TAFA2: variants seen among roughly 807,000 people sequenced by gnomAD.
The protein encoded by TAFA2 is chemokine-like protein TAFA-2.
A neutral mutation model predicts 18.8 loss-of-function variants in TAFA2; 7 were observed. The ratio of observed to expected loss-of-function variants is 0.37; its 90% CI spans 0.21 to 0.70. The LOEUF (loss-of-function observed/expected upper bound fraction) is 0.70, where lower values mean the gene tolerates loss of function less well. Ranked by LOEUF, TAFA2 falls within the 30% of genes least tolerant of loss-of-function variation. The pLI is 0.53. For missense variants in TAFA2, 122 were observed against 158.1 expected, an observed-to-expected ratio of 0.77 and a Z score of 1.23; for synonymous variants, 60 against 54.2, an observed-to-expected ratio of 1.11 and a Z score of -0.47.
At chr12:62,003,307 C>A (rs938019514) in intron 1 of TAFA2, among the ~76,000 whole-genome samples, 4 of 152,106 alleles carry the variant, frequency 2.6e-5, no homozygotes, top group Admixed American at 1.3e-4. Flanking sequence ...ATGAACCGCA[C>A]CCCCTTATGT....
intron 1 of TAFA2, among the ~76,000 whole-genome samples, chr12:62,152,337 C>T (rs1483240019): frequency 6.6e-6 from 1 of 152,120 alleles, no homozygotes; most frequent in Non-Finnish European, 1.5e-5. Context: ...TAAGAAAACC[C>T]CCAGGAAGAT....
At chr12:61,756,102 A>G (rs1254624247) in intron 2 of TAFA2, among the ~76,000 whole-genome samples, 2 of 152,082 alleles carry the variant, frequency 1.3e-5, no homozygotes, top group Non-Finnish European at 2.9e-5. Flanking sequence ...TTCCCATTGA[A>G]GATGAGTGAA....
chr12:61,750,367 T>A (rs1255444020), intron 4 of TAFA2, among the ~76,000 whole-genome samples: 1 of 152,060 alleles, frequency 6.6e-6, no homozygotes, highest in Non-Finnish European at 1.5e-5. Context: ...GAAACAACTG[T>A]TGCATCTTCC....
chr12:61,812,294 A>G (rs1356056437), intron 2 of TAFA2, among the ~76,000 whole-genome samples: 1 of 151,576 alleles, frequency 6.6e-6, no homozygotes, highest in Non-Finnish European at 1.5e-5. Context: ...AACTCTGGGA[A>G]TGGTGTCTCC....
intron 2 of TAFA2, among the ~76,000 whole-genome samples, chr12:61,786,857 A>C: frequency 6.6e-6 from 1 of 151,576 alleles, no homozygotes; most frequent in Admixed American, 6.6e-5. Context: ...ATCCACTATA[A>C]TAATAAAAAG....
At chr12:61,962,740 A>T (rs375461429) in intron 1 of TAFA2, among the ~76,000 whole-genome samples, 1 of 151,908 alleles carries the variant, frequency 6.6e-6, no homozygotes, top group East Asian at 1.9e-4. Flanking sequence ...TCCCGGTCTC[A>T]TCTGTATTAA....
At chr12:61,800,125 GTAA>G (rs772436738) in intron 2 of TAFA2, among the ~76,000 whole-genome samples, 11 of 152,084 alleles carry the variant, frequency 7.2e-5, no homozygotes, top group Admixed American at 2.6e-4. Flanking sequence ...AATATTTGAA[GTAA>G]TAAAATTAGT....
chr12:62,217,133 C>T (rs1018462404), intron 1 of TAFA2, among the ~76,000 whole-genome samples: 1 of 152,240 alleles, frequency 6.6e-6, no homozygotes, highest in Non-Finnish European at 1.5e-5. Flanking sequence ...TTGGCAAATA[C>T]TGCTTTTACC....
At chr12:62,257,520 T>A (rs1185316110) in intron 1 of TAFA2, among the ~76,000 whole-genome samples, 6 of 152,176 alleles carry the variant, frequency 3.9e-5, no homozygotes, top group Admixed American at 1.3e-4. Context: ...AGGTTTGGAA[T>A]TACTAGAGGG....
At chr12:62,178,224 C>G (rs910752445) in intron 1 of TAFA2, among the ~76,000 whole-genome samples, 1 of 152,016 alleles carries the variant, frequency 6.6e-6, no homozygotes, top group Non-Finnish European at 1.5e-5. Context: ...CACTTGAGCC[C>G]GAGAGATCGA....
At chr12:62,251,589 A>G (rs544362692) in intron 1 of TAFA2, among the ~76,000 whole-genome samples, 1 of 150,960 alleles carries the variant, frequency 6.6e-6, no homozygotes, top group Non-Finnish European at 1.5e-5. Context: ...AAGTGCTCTC[A>G]GGATCAACAC....
chr12:62,169,478 G>A (rs778866516), intron 1 of TAFA2, among the ~76,000 whole-genome samples: 10 of 152,124 alleles, frequency 6.6e-5, no homozygotes, highest in Non-Finnish European at 1.3e-4. Flanking sequence ...TAAAAATTTT[G>A]TAAGTGTTTA....
intron 1 of TAFA2, among the ~76,000 whole-genome samples, chr12:62,061,194 C>T (rs1222522890): frequency 4.6e-5 from 7 of 152,192 alleles, no homozygotes; most frequent in African/African-American, 1.7e-4. Flanking sequence ...CACTAACTGA[C>T]TCACCCAGAG....
chr12:61,874,785 C>T (rs1430108638), intron 1 of TAFA2, among the ~76,000 whole-genome samples: 7 of 152,098 alleles, frequency 4.6e-5, no homozygotes, highest in African/African-American at 1.7e-4. Flanking sequence ...TTTTTCAGAG[C>T]CCTAGAAAGA....
chr12:61,868,941 C>A (rs1176252008), intron 1 of TAFA2, among the ~76,000 whole-genome samples: 3 of 152,148 alleles, frequency 2.0e-5, no homozygotes. Context: ...GGATCTCCTG[C>A]TGCACTGTCT....
intron 2 of TAFA2, among the ~76,000 whole-genome samples, chr12:61,804,734 A>T (rs1192457856): frequency 6.6e-6 from 1 of 152,024 alleles, no homozygotes; most frequent in Non-Finnish European, 1.5e-5. Flanking sequence ...AGCACTTTAT[A>T]CCCATTATCT....
At chr12:61,861,140 T>C (rs1874108188) in intron 2 of TAFA2, among the ~76,000 whole-genome samples, 1 of 152,038 alleles carries the variant, frequency 6.6e-6, no homozygotes, top group South Asian at 2.1e-4. Context: ...TTAGTAGAGA[T>C]GAGATTTCGC....
At chr12:61,927,438 T>A (rs562944035) in intron 1 of TAFA2, among the ~76,000 whole-genome samples, 47 of 152,030 alleles carry the variant, frequency 3.1e-4, no homozygotes, top group African/African-American at 1.1e-3. Context: ...ATAAAATACC[T>A]AGGAATACAA....
At chr12:61,998,292 T>C (rs953412386) in intron 1 of TAFA2, among the ~76,000 whole-genome samples, 1 of 152,194 alleles carries the variant, frequency 6.6e-6, no homozygotes, top group Non-Finnish European at 1.5e-5. Context: ...AAGTGCAATA[T>C]AGCATTATAT....
Sources: gnomAD v4.1 joint callset for allele counts (sites outside exome capture counted in the v4.1 genomes callset) on GRCh38, gnomAD v4.1.1 for gene constraint, MANE v1.5 for transcripts, NCBI Gene and HGNC (gene_info 2026-07-23, HGNC 2026-07-21) for gene names.